The following GSAP variants were observed in gnomAD, a reference collection of about 807,000 sequenced individuals.
GSAP encodes the protein gamma-secretase activating protein.
Under a neutral mutation model 131.7 loss-of-function variants are expected in GSAP, and 118 were observed. The ratio of observed to expected loss-of-function variants is 0.90; its 90% confidence interval spans 0.77 to 1.04. The LOEUF (loss-of-function observed/expected upper bound fraction) is 1.04. Ranked by LOEUF, GSAP falls within the 50% of genes least tolerant of loss-of-function variation. GSAP has a pLI of 0.00. For missense variants in GSAP, 1,019 were observed against 1,013.2 expected (o/e 1.01, Z -0.08); for synonymous variants, 381 against 363.4 (o/e 1.05, Z -0.55).
chr7:77,407,821 A>G (rs994533220), intron 1 of GSAP, among the ~76,000 whole-genome samples: 5 of 152,236 alleles, frequency 3.3e-5, no homozygotes, highest in African/African-American at 1.2e-4. Flanking sequence ...GAATGTCTAT[A>G]GTACTGTGGT....
Position 77,362,479 on chromosome 7 carries a change from C to A in GSAP, c.949+104G>T. On this transcript the variant is annotated intron_variant, in intron 13 of 30. Transcript: ENST00000257626. ...TCCAGCCTGGGTGACAAAGGGAGACCCTGTCTCCAAAAAATTACTAATAAC... is the reference window on the plus strand; with the variant it reads ...TCCAGCCTGGGTGACAAAGGGAGACACTGTCTCCAAAAAATTACTAATAAC... 6 of 650,612 alleles carry A rather than the reference C, an allele frequency of 9.2e-6. No individual in the cohort carries two copies. In the South Asian group the frequency reaches 1.2e-4, roughly 13 times the overall value. The allele number at this position is 650,612 out of a possible 1,614,324, so 40.3% of individuals were successfully genotyped here.
chr7:77,351,339 C>A, intron 18 of GSAP: 1 of 931,844 alleles, frequency 1.1e-6, no homozygotes, highest in Non-Finnish European at 1.3e-6. Flanking sequence ...ATCACATTTT[C>A]TATTATCTTA....
chr7:77,403,932 C>A (rs1801815004), intron 3 of GSAP, among the ~76,000 whole-genome samples: 1 of 152,106 alleles, frequency 6.6e-6, no homozygotes, highest in Admixed American at 6.6e-5. Context: ...TAGATACACA[C>A]ACAAAAGAAT....
chr7:77,374,263 T>C (rs977231698), intron 11 of GSAP, 108 bp from the exon 12 acceptor site: 1 of 574,552 alleles, frequency 1.7e-6, no homozygotes, highest in Non-Finnish European at 3.1e-6. Flanking sequence ...AGAAACACAT[T>C]CCTGAGAAAT....
Position 77,406,047 on chromosome 7 carries a change from AT to A in GSAP, c.167del (p.Asn56IlefsTer53). 2 of 1,025,442 alleles carry A rather than the reference AT, an allele frequency of 2.0e-6. No individual in the cohort carries two copies. The highest frequency in any genetic ancestry group is 2.7e-6 in the Non-Finnish European group (2 of 745,132). The allele number at this position is 1,025,442 out of a possible 1,614,324, so 63.5% of individuals were successfully genotyped here. A position where few individuals can be genotyped will look rare whatever the true frequency, so the allele number is the denominator to read the frequency against. ...LHVLNVERNG[N>X]IIYTYKDDKG... ...GACATACCTTATAGGTATAAATAAT[AT>A]TTCCATTTCTTTCAACATTTAATAC... is the stretch of plus-strand genomic sequence containing the variant. On this transcript the variant is annotated frameshift_variant, in exon 2 of 31. Transcript: ENST00000257626. LOFTEE classifies it high-confidence loss of function.
intron 8 of GSAP, among the ~76,000 whole-genome samples, chr7:77,378,729 G>A (rs567666733): frequency 4.6e-5 from 7 of 152,290 alleles, no homozygotes; most frequent in South Asian, 4.1e-4. Flanking sequence ...TGGAATCCAC[G>A]TCCTGGAATC....
At chr7:77,321,197 G>A (rs1311121062) in intron 25 of GSAP, 136 bp downstream of exon 25, 4 of 646,216 alleles carry the variant, frequency 6.2e-6, no homozygotes, top group Non-Finnish European at 1.1e-5. Flanking sequence ...TTTAAATGCT[G>A]AGTATAGAAT....
chr7:77,339,027 A>G (rs999173876), intron 19 of GSAP, among the ~76,000 whole-genome samples: 1 of 150,868 alleles, frequency 6.6e-6, no homozygotes. Flanking sequence ...TTGGTCCTCA[A>G]AGAAAAAATG....
chr7:77,409,010 A>AAGC (rs1802808593), intron 1 of GSAP, among the ~76,000 whole-genome samples: 1 of 152,142 alleles, frequency 6.6e-6, no homozygotes, highest in Non-Finnish European at 1.5e-5. Flanking sequence ...CACCCCTCAC[A>AAGC]AGCAGCAGCT....
intron 14 of GSAP, among the ~76,000 whole-genome samples, chr7:77,356,796 A>AG (rs1793802109): frequency 1.3e-5 from 2 of 152,370 alleles, no homozygotes; most frequent in East Asian, 3.9e-4. Flanking sequence ...TAAGTGAGCC[A>AG]GCTAGACTCC....
intron 22 of GSAP, 150 bp from the exon 23 acceptor site, chr7:77,326,423 T>G (rs1046313669): frequency 5.2e-6 from 3 of 572,078 alleles, no homozygotes; most frequent in Admixed American, 3.5e-5. Context: ...TGTGACCTAG[T>G]CCTACAAGGT....
chr7:77,327,204 T>G (rs1788445162), intron 22 of GSAP: 1 of 152,248 alleles, frequency 6.6e-6, no homozygotes. Context: ...AAGAGTTTCC[T>G]AAAGTGCATT....
At chr7:77,325,973 G>A (rs962275947) in intron 23 of GSAP, among the ~76,000 whole-genome samples, 1 of 152,136 alleles carries the variant, frequency 6.6e-6, no homozygotes, top group African/African-American at 2.4e-5. Flanking sequence ...ATCATGGTTT[G>A]TAAATTACAT....
At chr7:77,321,512 G>C in intron 24 of GSAP, 109 bp from the exon 25 acceptor site, 1 of 724,818 alleles carries the variant, frequency 1.4e-6, no homozygotes, top group Non-Finnish European at 2.5e-6. Flanking sequence ...TGGCATTCAG[G>C]CTGCATCCAG....
At chr7:77,410,558 C>CT (rs946168663) in intron 1 of GSAP, among the ~76,000 whole-genome samples, 1 of 152,158 alleles carries the variant, frequency 6.6e-6, no homozygotes, top group Non-Finnish European at 1.5e-5. Flanking sequence ...TTGATAGATA[C>CT]TTGCATAGGT....
At chr7:77,359,275 A>G (rs182265038) in intron 14 of GSAP, among the ~76,000 whole-genome samples, 1 of 152,246 alleles carries the variant, frequency 6.6e-6, no homozygotes, top group East Asian at 1.9e-4. Context: ...CACAGAGCTC[A>G]CTCTTTCTGA....
At chr7:77,345,575 G>A (rs551378977) in intron 19 of GSAP, among the ~76,000 whole-genome samples, 1 of 152,296 alleles carries the variant, frequency 6.6e-6, no homozygotes, top group South Asian at 2.1e-4. Context: ...TGCCTTAACT[G>A]ATGACATTCC....
intron 19 of GSAP, among the ~76,000 whole-genome samples, chr7:77,334,817 G>A (rs1481174670): frequency 6.6e-6 from 1 of 152,162 alleles, no homozygotes; most frequent in Non-Finnish European, 1.5e-5. Flanking sequence ...AGGCATGGTG[G>A]CTCACGCCTG....
chr7:77,337,701 C>G (rs1174647663), intron 19 of GSAP, among the ~76,000 whole-genome samples: 1 of 152,204 alleles, frequency 6.6e-6, no homozygotes, highest in East Asian at 1.9e-4. Context: ...ATGAAATACA[C>G]TACAGATGTC....
Sources: gnomAD v4.1 joint callset for allele counts (sites outside exome capture counted in the v4.1 genomes callset) on GRCh38, gnomAD v4.1.1 for gene constraint, MANE v1.5 for transcripts, NCBI Gene and HGNC (gene_info 2026-07-23, HGNC 2026-07-21) for gene names.